Variants in MAPKAP1 observed in about 807,000 individuals in gnomAD.
MAPKAP1 encodes the protein target of rapamycin complex 2 subunit MAPKAP1.
MAPKAP1 carries 20 observed loss-of-function variants against 65.7 expected under a neutral mutation model. That is an observed-to-expected ratio of 0.30 (90% CI 0.21 to 0.44). The LOEUF (loss-of-function observed/expected upper bound fraction) is 0.44, where lower values mean the gene tolerates loss of function less well. Ranked by LOEUF, MAPKAP1 falls within the 20% of genes least tolerant of loss-of-function variation. The probability of loss-of-function intolerance (pLI) is 1.00; values close to 1 mark genes in which losing one functional copy is unlikely to be tolerated. For missense variants in MAPKAP1, 423 were observed against 648.0 expected (o/e 0.65, Z 3.77); for synonymous variants, 222 against 244.3 (o/e 0.91, Z 0.85).
chr9:125,581,865 C>T (rs886069954), intron 5 of MAPKAP1, among the ~76,000 whole-genome samples: 22 of 152,034 alleles, frequency 1.4e-4, no homozygotes, highest in South Asian at 2.1e-4. Flanking sequence ...TCTCTTCTTC[C>T]GCCATTTAAT....
chr9:125,539,820 A>G (rs1830187913), intron 7 of MAPKAP1, among the ~76,000 whole-genome samples: 1 of 152,242 alleles, frequency 6.6e-6, no homozygotes, highest in African/African-American at 2.4e-5. Context: ...CTTCCTGCCA[A>G]TGCAGGTACA....
chr9:125,456,017 T>C lies in MAPKAP1; in HGVS notation c.1346-11419A>G, dbSNP rs116837709. Among the ~76,000 whole-genome samples, 772 of 152,374 alleles carry C rather than the reference T, an allele frequency of 5.1e-3. 5 individuals carry two copies. The highest frequency in any genetic ancestry group is 0.018 in the African/African-American group (729 of 41,594). On this transcript the variant is annotated intron_variant, in intron 10 of 11. Coordinates refer to ENST00000265960, the MANE Select transcript of MAPKAP1 (RefSeq NM_001006617.3). ...TTCTGAAGGATATTTTCACTGAATA[T>C]AGGATTCTAAGTTGACAGACTTTTT...
intron 1 of MAPKAP1, among the ~76,000 whole-genome samples, chr9:125,706,142 T>C (rs1490782616): frequency 6.6e-5 from 10 of 152,140 alleles, no homozygotes; most frequent in Non-Finnish European, 1.2e-4. Flanking sequence ...GTACCTTGTG[T>C]GGGCTCATAA....
At chr9:125,498,047 T>G (rs1156868541) in intron 8 of MAPKAP1, among the ~76,000 whole-genome samples, 1 of 152,222 alleles carries the variant, frequency 6.6e-6, no homozygotes, top group Non-Finnish European at 1.5e-5. Context: ...CTCCCCATAA[T>G]GTACTTGGGC....
intron 4 of MAPKAP1, among the ~76,000 whole-genome samples, chr9:125,651,478 G>A (rs1364987709): frequency 4.6e-5 from 7 of 151,964 alleles, no homozygotes; most frequent in South Asian, 2.1e-4. Context: ...GTTGGCAGGC[G>A]CCTGTAATCC....
chr9:125,609,120 T>C (rs1046765311), intron 4 of MAPKAP1, among the ~76,000 whole-genome samples: 3 of 152,230 alleles, frequency 2.0e-5, no homozygotes, highest in Non-Finnish European at 4.4e-5. Context: ...TTCCTGTTAA[T>C]TGTAAATTTG....
At chr9:125,448,608 A>AC (rs1168351432) in intron 10 of MAPKAP1, among the ~76,000 whole-genome samples, 1 of 152,192 alleles carries the variant, frequency 6.6e-6, no homozygotes, top group Non-Finnish European at 1.5e-5. Context: ...TAGGCAAGTT[A>AC]CCTTTGAAAA....
rs539175487 is a variant in MAPKAP1 at position 125,510,353 on chromosome 9, T to C, written c.959-3936A>G. Among the ~76,000 whole-genome samples the C allele has an allele frequency of 5.3e-5, 8 of 152,328 alleles. No individual in the cohort carries two copies. The South Asian group carries it at 1.7e-3, about 32-fold the overall frequency. The stretch of plus-strand genomic sequence containing the variant: ...TGGATTCATCTAGAATCTGAATCAC[T>C]TAACTTCTATAAATTCAAAATGAAA... On this transcript the variant is annotated intron_variant, in intron 7 of 11. Transcript: ENST00000265960.
At chr9:125,646,820 A>C (rs1833739535) in intron 4 of MAPKAP1, among the ~76,000 whole-genome samples, 1 of 152,192 alleles carries the variant, frequency 6.6e-6, no homozygotes, top group Non-Finnish European at 1.5e-5. Flanking sequence ...CAGTGGAAAA[A>C]GTCCTTCCTG....
intron 7 of MAPKAP1, among the ~76,000 whole-genome samples, chr9:125,533,864 C>A (rs1293746950): frequency 2.6e-5 from 4 of 152,178 alleles, no homozygotes; most frequent in African/African-American, 7.2e-5. Context: ...AATATTCAAA[C>A]AAGATTGTTC....
In MAPKAP1 at chr9:125,597,298, G is replaced by C. The variant is rs1052625770; in HGVS notation, c.499-11571C>G. Among the ~76,000 whole-genome samples the C allele has an allele frequency of 3.9e-3, 534 of 138,560 alleles. 6 individuals carry two copies. The highest frequency in any genetic ancestry group is 0.014 in the African/African-American group (508 of 36,202). 90.9% of individuals were successfully genotyped at this position (138,560 alleles called of 152,430 possible). On this transcript the variant is annotated intron_variant, in intron 4 of 11. Coordinates refer to ENST00000265960, the MANE Select transcript of MAPKAP1 (RefSeq NM_001006617.3). ...AAAAAAAAAAAAAAAAAAAAGCTTG[G>C]CCTGGTGGCACATGTCTGTAGTCCC...
chr9:125,617,195 A>G (rs1175117896), intron 4 of MAPKAP1, among the ~76,000 whole-genome samples: 1 of 152,232 alleles, frequency 6.6e-6, no homozygotes, highest in African/African-American at 2.4e-5. Flanking sequence ...GCACAATGGC[A>G]CATGCCTGTA....
chr9:125,607,553 G>T (rs1449321426), intron 4 of MAPKAP1, among the ~76,000 whole-genome samples: 2 of 152,224 alleles, frequency 1.3e-5, no homozygotes, highest in African/African-American at 4.8e-5. Context: ...GTGAAGCGAG[G>T]ATGCTAACTG....
intron 10 of MAPKAP1, among the ~76,000 whole-genome samples, chr9:125,450,040 A>G (rs1462563294): frequency 2.6e-5 from 4 of 151,890 alleles, no homozygotes; most frequent in Non-Finnish European, 5.9e-5. Context: ...CTCCTGCCTC[A>G]GCCTCCTGAG....
intron 4 of MAPKAP1, 67 bp from the exon 5 acceptor site, chr9:125,585,794 G>A (rs1389559466): frequency 1.3e-6 from 2 of 1,485,526 alleles, no homozygotes; most frequent in Non-Finnish European, 1.9e-6. Context: ...CTGCTCTCCA[G>A]GCCTGTGGGC....
intron 1 of MAPKAP1, among the ~76,000 whole-genome samples, chr9:125,691,412 G>A (rs1169655371): frequency 3.3e-5 from 5 of 152,170 alleles, no homozygotes; most frequent in African/African-American, 1.2e-4. Flanking sequence ...ATCAGGTAGT[G>A]GGGAGATGAG....
At chr9:125,678,776 C>T (rs1318480494) in intron 1 of MAPKAP1, among the ~76,000 whole-genome samples, 4 of 152,076 alleles carry the variant, frequency 2.6e-5, no homozygotes, top group Non-Finnish European at 4.4e-5. Flanking sequence ...ATGGGCATCA[C>T]GTCTTAATAT....
chr9:125,590,825 G>C (rs886115477), intron 4 of MAPKAP1, among the ~76,000 whole-genome samples: 3 of 151,496 alleles, frequency 2.0e-5, no homozygotes, highest in Non-Finnish European at 4.4e-5. Context: ...CCAAACTGGA[G>C]TGCAGTGGCA....
rs149931874 is a variant in MAPKAP1, at chr9:125,598,862, A to C, written c.499-13135T>G. ...TGAGACCAGCCTGGTCAACATGGCA[A>C]AACCCCGTCTCTACTAAAAATACAA... On this transcript the variant is annotated intron_variant, in intron 4 of 11. Coordinates refer to ENST00000265960, the MANE Select transcript of MAPKAP1 (RefSeq NM_001006617.3). 4.4e-3 allele frequency among the ~76,000 whole-genome samples: 676 copies of C among 152,130 alleles called. 8 individuals are homozygous for C. Among genetic ancestry groups the C allele is most frequent in the African/African-American group, 0.015 (634 of 41,492 alleles).
Sources: allele counts gnomAD v4.1 joint callset (sites outside exome capture counted in the v4.1 genomes callset), GRCh38; gene constraint gnomAD v4.1.1; transcripts MANE v1.5; gene names NCBI Gene and HGNC (gene_info 2026-07-23, HGNC 2026-07-21).